Variants in KCTD8 observed in about 807,000 individuals in gnomAD.
The protein encoded by KCTD8 is BTB/POZ domain-containing protein KCTD8.
In KCTD8, 27 loss-of-function variants were observed where a neutral mutation model predicts 31.5. That is an observed-to-expected ratio of 0.86 (90% CI 0.63 to 1.18). The LOEUF is 1.18. Among genes scored for constraint, KCTD8 ranks in the 50% most tolerant of loss-of-function variants. The pLI, the probability that KCTD8 is intolerant of heterozygous loss-of-function variation, is 0.00. For synonymous variants in KCTD8, 290 were observed against 280.0 expected (o/e 1.04, Z -0.36); for missense variants, 658 against 647.7 (o/e 1.02, Z -0.17).
intron 1 of KCTD8, among the ~76,000 whole-genome samples, chr4:44,199,485 A>T (rs1714066294): frequency 6.6e-6 from 1 of 152,110 alleles, no homozygotes; most frequent in South Asian, 2.1e-4. Context: ...AAAAATGTAC[A>T]TCAATACCAA....
Position 44,371,042 on chromosome 4 carries a change from C to T in KCTD8, c.961+76521G>A, listed in dbSNP as rs147379143. Among the ~76,000 whole-genome samples, 3 of 152,198 alleles carry T rather than the reference C, an allele frequency of 2.0e-5. No individual in the cohort carries two copies. The East Asian group carries it at 5.8e-4, about 29-fold the overall frequency. ...GCAGTGGTGAAATTCAGACTGATGG[C>T]CTGAGAACCAGGGAGGCCAATGGTG... On this transcript the variant is annotated intron_variant, in intron 1 of 1. Coordinates refer to ENST00000360029, the MANE Select transcript of KCTD8 (RefSeq NM_198353.3).
chr4:44,179,010 C>T (rs888562381), intron 1 of KCTD8, among the ~76,000 whole-genome samples: 1 of 152,144 alleles, frequency 6.6e-6, no homozygotes, highest in Admixed American at 6.5e-5. Flanking sequence ...CATAGGCTTT[C>T]TCCAACTCCA....
At chr4:44,317,108 T>C (rs1718149789) in intron 1 of KCTD8, among the ~76,000 whole-genome samples, 1 of 151,808 alleles carries the variant, frequency 6.6e-6, no homozygotes, top group Non-Finnish European at 1.5e-5. Context: ...TGAAGCTATG[T>C]TTCCTTTCAT....
chr4:44,305,760 AT>A (rs1717783990), intron 1 of KCTD8, among the ~76,000 whole-genome samples: 1 of 151,882 alleles, frequency 6.6e-6, no homozygotes, highest in Non-Finnish European at 1.5e-5. Context: ...AAAATGAAAA[AT>A]ATGAGTATTT....
chr4:44,338,482 T>C (rs571887534), intron 1 of KCTD8, among the ~76,000 whole-genome samples: 3 of 152,316 alleles, frequency 2.0e-5, no homozygotes, highest in South Asian at 2.1e-4. Flanking sequence ...ATGCAACTTA[T>C]GCTTTGTCTC....
At chr4:44,289,763 G>A (rs1275556308) in intron 1 of KCTD8, among the ~76,000 whole-genome samples, 1 of 152,096 alleles carries the variant, frequency 6.6e-6, no homozygotes. Flanking sequence ...GAGCCTGGGG[G>A]ATTTTGCACA....
At chr4:44,181,420 A>AT (rs1298782889) in intron 1 of KCTD8, among the ~76,000 whole-genome samples, 117 of 152,058 alleles carry the variant, frequency 7.7e-4, no homozygotes, top group African/African-American at 2.5e-3. Context: ...TGGTTTTCGT[A>AT]TTTTTTTGGT....
rs1454684505 is a variant in KCTD8, at chr4:44,448,264, C to T, written c.260G>A (p.Gly87Asp). 10 of 1,606,292 alleles carry T rather than the reference C, an allele frequency of 6.2e-6. No individual in the cohort carries two copies. Among genetic ancestry groups the T allele is most frequent in the South Asian group, 1.1e-5 (1 of 90,466 alleles). The change falls in exon 1 of 2, where the codon GGC becomes GAC. Residue 87 changes from glycine to aspartate, a missense_variant. Coordinates refer to ENST00000360029, the MANE Select transcript of KCTD8 (RefSeq NM_198353.3). The surrounding 1 kb of genome is among the most constrained non-coding windows in gnomAD (Gnocchi z 4.1). ...CGCCCGGCTGTCCCTGGGCAGCTCGCCCCGGCGCCGGGCGCCGCCACGGGG... is the reference window on the plus strand; with the variant it reads ...CGCCCGGCTGTCCCTGGGCAGCTCGTCCCGGCGCCGGGCGCCGCCACGGGG... ...SSPRGGARRR[G>D]ELPRDSRARF...
intron 1 of KCTD8, among the ~76,000 whole-genome samples, chr4:44,344,173 T>A (rs1036202766): frequency 2.0e-5 from 3 of 151,840 alleles, no homozygotes; most frequent in Admixed American, 1.3e-4. Context: ...ACAGGTTTTT[T>A]AATTAATTAA....
At chr4:44,210,324 C>T (rs1007834338) in intron 1 of KCTD8, among the ~76,000 whole-genome samples, 8 of 152,224 alleles carry the variant, frequency 5.3e-5, no homozygotes, top group Admixed American at 2.0e-4. Flanking sequence ...AAATCATATG[C>T]TAAGGCATTT....
At chr4:44,280,681 G>T (rs1716881862) in intron 1 of KCTD8, among the ~76,000 whole-genome samples, 1 of 151,918 alleles carries the variant, frequency 6.6e-6, no homozygotes, top group African/African-American at 2.4e-5. Flanking sequence ...TAATAGTGAT[G>T]GTTCTCTTTT....
At chr4:44,194,546 G>T (rs1456122702) in intron 1 of KCTD8, among the ~76,000 whole-genome samples, 1 of 152,052 alleles carries the variant, frequency 6.6e-6, no homozygotes, top group Non-Finnish European at 1.5e-5. Context: ...GAAAAACAGA[G>T]TATGCTTCTG....
chr4:44,265,888 C>A (rs1264719637), intron 1 of KCTD8, among the ~76,000 whole-genome samples: 1 of 151,996 alleles, frequency 6.6e-6, no homozygotes, highest in East Asian at 1.9e-4. Flanking sequence ...AAATATGGGA[C>A]TATGTGAAAA....
chr4:44,264,602 C>T (rs768813716), intron 1 of KCTD8, among the ~76,000 whole-genome samples: 15 of 152,262 alleles, frequency 9.9e-5, no homozygotes, highest in South Asian at 4.1e-4. Flanking sequence ...ACTCGGGAAG[C>T]GCAAGGGGTC....
At chr4:44,434,820 C>T (rs1003789074) in intron 1 of KCTD8, among the ~76,000 whole-genome samples, 2 of 151,836 alleles carry the variant, frequency 1.3e-5, no homozygotes, top group Non-Finnish European at 2.9e-5. Flanking sequence ...GCCCTTAACT[C>T]GACTGGCCAG....
At position 44,305,842 on chromosome 4, in the gene KCTD8, A is replaced by G. The variant is rs1301833310; in HGVS notation, c.962-130592T>C. Among the ~76,000 whole-genome samples, 2 of 151,906 alleles carry G rather than the reference A, an allele frequency of 1.3e-5. 1 individual carries two copies. Among genetic ancestry groups the G allele is most frequent in the African/African-American group, 4.8e-5 (2 of 41,430 alleles). On this transcript the variant is annotated intron_variant, in intron 1 of 1. Coordinates refer to ENST00000360029, the MANE Select transcript of KCTD8 (RefSeq NM_198353.3). ...CATAAATCAAGTTTCAAAGTAGTTC[A>G]AAGATTTGCTATCATAATAATCCTA...
At chr4:44,301,596 C>T (rs1213895384) in intron 1 of KCTD8, among the ~76,000 whole-genome samples, 1 of 151,984 alleles carries the variant, frequency 6.6e-6, no homozygotes, top group Non-Finnish European at 1.5e-5. Context: ...TGTTTGAGTT[C>T]ATTGTAGATT....
At chr4:44,416,844 G>C (rs986535888) in intron 1 of KCTD8, among the ~76,000 whole-genome samples, 1 of 152,114 alleles carries the variant, frequency 6.6e-6, no homozygotes, top group Non-Finnish European at 1.5e-5. Context: ...AGCAATGCAA[G>C]AATGAATTAA....
intron 1 of KCTD8, among the ~76,000 whole-genome samples, chr4:44,258,697 C>T (rs1330538763): frequency 2.0e-5 from 3 of 151,892 alleles, no homozygotes; most frequent in Non-Finnish European, 4.4e-5. Flanking sequence ...TAACACCTCA[C>T]CAAACTTTCC....
Sources: allele counts gnomAD v4.1 joint callset (sites outside exome capture counted in the v4.1 genomes callset), GRCh38; gene constraint gnomAD v4.1.1; non-coding constraint Gnocchi (gnomAD v3.1); transcripts MANE v1.5; gene names NCBI Gene and HGNC (gene_info 2026-07-23, HGNC 2026-07-21).